Variants in BCAP31 observed in about 807,000 individuals in gnomAD.
BCAP31 encodes B cell receptor associated protein 31.
For missense variants in BCAP31, 124 were observed against 193.0 expected (o/e 0.64, Z 2.12); for synonymous variants, 75 against 80.9 (o/e 0.93, Z 0.39).
chrX:153,723,387 G>A (rs2091682095), intron 1 of BCAP31, 99 bp from the exon 2 acceptor site: 2 of 1,131,298 alleles, frequency 1.8e-6, no homozygotes, highest in South Asian at 2.1e-5. Flanking sequence ...TCTCCACCCT[G>A]ACCCCCTGCA....
intron 3 of BCAP31, among the ~76,000 whole-genome samples, chrX:153,718,041 C>T (rs1382500922): frequency 8.9e-6 from 1 of 111,750 alleles, no homozygotes; most frequent in African/African-American, 3.3e-5. Context: ...GTTGGCCGGA[C>T]ACAGTGGCTC....
chrX:153,724,097 C>A (rs1557051767), intron 1 of BCAP31: 3 of 296,687 alleles, frequency 1.0e-5, no homozygotes, highest in South Asian at 3.0e-5. Context: ...TCCCGGAGGC[C>A]CATCCCGGCC....
intron 6 of BCAP31, 125 bp from the exon 7 acceptor site, chrX:153,702,232 C>A: frequency 3.6e-6 from 2 of 549,756 alleles, no homozygotes; most frequent in Non-Finnish European, 5.8e-6. Flanking sequence ...ATACAGGAGG[C>A]TACTTCTCAA....
chrX:153,707,383 A>AG (rs1557048474), intron 4 of BCAP31, among the ~76,000 whole-genome samples: 53 of 107,328 alleles, frequency 4.9e-4, no homozygotes, highest in African/African-American at 1.3e-3. Flanking sequence ...AAAAAAAAAA[A>AG]GGGGGGGAGG....
intron 1 of BCAP31, chrX:153,723,498 G>A (rs2091683179): frequency 3.5e-6 from 4 of 1,155,620 alleles, no homozygotes; most frequent in Non-Finnish European, 4.6e-6. Flanking sequence ...TCCGTTCGCT[G>A]GTCAATTACC....
chrX:153,709,664 C>A, intron 4 of BCAP31, among the ~76,000 whole-genome samples: 1 of 112,817 alleles, frequency 8.9e-6, no homozygotes, highest in Non-Finnish European at 1.9e-5. Flanking sequence ...CCCCGATGGA[C>A]CCGCCTTCAC....
At chrX:153,720,743 G>A (rs1467748820) in intron 3 of BCAP31, 129 bp downstream of exon 3, 49 of 555,764 alleles carry the variant, frequency 8.8e-5, no homozygotes, top group Non-Finnish European at 1.4e-4. Context: ...TCAAGAGAAA[G>A]ACACAGCATT....
chrX:153,721,148 A>G (rs2091662601), intron 2 of BCAP31, 176 bp from the exon 3 acceptor site: 1 of 429,122 alleles, frequency 2.3e-6, no homozygotes, highest in Non-Finnish European at 4.0e-6. Flanking sequence ...AGACTATTGG[A>G]AAAAAGGCCA....
At chrX:153,708,841 G>A (rs1270036606) in intron 4 of BCAP31, among the ~76,000 whole-genome samples, 1 of 112,782 alleles carries the variant, frequency 8.9e-6, no homozygotes, top group Non-Finnish European at 1.9e-5. Flanking sequence ...TTTTGGTACA[G>A]CTGCGTGGCC....
At chrX:153,711,674 T>C (rs1217668642) in intron 4 of BCAP31, among the ~76,000 whole-genome samples, 1 of 110,267 alleles carries the variant, frequency 9.1e-6, no homozygotes, top group Non-Finnish European at 1.9e-5. Flanking sequence ...GAGGCCGAGG[T>C]GGGCAGATCA....
intron 1 of BCAP31, 35 bp from the exon 2 acceptor site, chrX:153,723,323 G>A: frequency 8.6e-7 from 1 of 1,166,209 alleles, no homozygotes. Flanking sequence ...ACTTGTAAGC[G>A]CTGGGCAGCC....
intron 3 of BCAP31, among the ~76,000 whole-genome samples, chrX:153,718,504 G>A (rs1380275432): frequency 7.2e-5 from 8 of 110,426 alleles, no homozygotes; most frequent in Non-Finnish European, 1.3e-4. Flanking sequence ...TACTTTGTGT[G>A]TATGATCCCA....
intron 1 of BCAP31, chrX:153,723,897 G>A (rs2091687879): frequency 2.0e-6 from 1 of 512,702 alleles, no homozygotes; most frequent in Non-Finnish European, 3.5e-6. Context: ...GCCCGCAAGA[G>A]CGACTCCTAG....
chrX:153,724,041 C>T, intron 1 of BCAP31: 1 of 340,368 alleles, frequency 2.9e-6, no homozygotes, highest in African/African-American at 2.6e-5. Context: ...CCCCAGCGCC[C>T]ACCCAGAGCG....
In BCAP31 at chrX:153,723,274, A is replaced by G; in HGVS notation, c.-30T>C. 8.3e-7 allele frequency: 1 copy of G among 1,202,108 alleles called. No individual in the cohort carries two copies. The highest frequency in any genetic ancestry group is 1.1e-6 in the Non-Finnish European group (1 of 890,283). On this transcript the variant is annotated 5_prime_UTR_variant, in exon 2 of 8. Coordinates refer to ENST00000345046, the MANE Select transcript of BCAP31 (RefSeq NM_001256447.2). Reference sequence around the variant, plus strand: ...TTGCTAGAAGGTTTCCCACAGGAAGATGTGAGCTTGTTTCCTGGCAGGGCA... The same window carrying G: ...TTGCTAGAAGGTTTCCCACAGGAAGGTGTGAGCTTGTTTCCTGGCAGGGCA...
chrX:153,720,724 T>C (rs2091659071), intron 3 of BCAP31, 148 bp downstream of exon 3: 4 of 497,966 alleles, frequency 8.0e-6, no homozygotes, highest in Non-Finnish European at 1.3e-5. Flanking sequence ...AGGGAGCCTC[T>C]TCCCTCCCTC....
At chrX:153,716,479 G>A (rs782463460) in intron 3 of BCAP31, among the ~76,000 whole-genome samples, 54 of 105,468 alleles carry the variant, frequency 5.1e-4, no homozygotes, top group African/African-American at 1.6e-3. Flanking sequence ...GGTGGCTCAC[G>A]CCTGTAATCC....
chrX:153,719,602 C>T (rs1385959505), intron 3 of BCAP31, among the ~76,000 whole-genome samples: 2 of 110,489 alleles, frequency 1.8e-5, no homozygotes, highest in Non-Finnish European at 3.8e-5. Flanking sequence ...TTCCCCTGAA[C>T]CACAGCCCCC....
At chrX:153,711,311 C>T (rs3819628) in intron 4 of BCAP31, among the ~76,000 whole-genome samples, 6 of 112,218 alleles carry the variant, frequency 5.3e-5, no homozygotes, top group Admixed American at 9.4e-5. Context: ...CCACTGCCCC[C>T]GTTCAGGTTC....
Sources: gnomAD v4.1 joint callset for allele counts (sites outside exome capture counted in the v4.1 genomes callset) on GRCh38, gnomAD v4.1.1 for gene constraint, MANE v1.5 for transcripts, NCBI Gene and HGNC (gene_info 2026-07-23, HGNC 2026-07-21) for gene names.